KIF16B: variants seen among roughly 807,000 people sequenced by gnomAD.
KIF16B encodes the protein kinesin family member 16B.
A neutral mutation model predicts 156.3 loss-of-function variants in KIF16B; 98 were observed. That is an observed-to-expected ratio of 0.63 (90% CI 0.53 to 0.74). KIF16B has a LOEUF of 0.74. Among genes scored for constraint, KIF16B ranks in the 30% least tolerant of loss-of-function variants. The pLI is 0.00. For missense variants in KIF16B, 1,421 were observed against 1,606.5 expected, an observed-to-expected ratio of 0.88 and a Z score of 1.97; for synonymous variants, 564 against 583.7, an observed-to-expected ratio of 0.97 and a Z score of 0.49.
chr20:16,292,291 G>A (rs2063324737), intron 25 of KIF16B, among the ~76,000 whole-genome samples: 1 of 152,158 alleles, frequency 6.6e-6, no homozygotes, highest in Non-Finnish European at 1.5e-5. Flanking sequence ...AAGTTGTGTG[G>A]AATTGGAACA....
At chr20:16,336,048 T>C (rs2064030699) in intron 23 of KIF16B, 33 bp from the exon 24 acceptor site, 1 of 1,304,466 alleles carries the variant, frequency 7.7e-7, no homozygotes, top group Admixed American at 2.1e-5. Context: ...TGAATAAGCA[T>C]TAAGAAGCAA....
intron 19 of KIF16B, among the ~76,000 whole-genome samples, chr20:16,374,928 T>C (rs2064910388): frequency 6.6e-6 from 1 of 152,102 alleles, no homozygotes; most frequent in South Asian, 2.1e-4. Flanking sequence ...ATTATCTAAG[T>C]GCAGAAAGCA....
intron 12 of KIF16B, among the ~76,000 whole-genome samples, chr20:16,431,526 T>C (rs1394474723): frequency 6.6e-6 from 1 of 152,168 alleles, no homozygotes; most frequent in African/African-American, 2.4e-5. Context: ...CTGTTTCCTC[T>C]GTCACTGCTA....
chr20:16,356,007 G>A (rs1568879764), intron 23 of KIF16B, among the ~76,000 whole-genome samples: 2 of 152,208 alleles, frequency 1.3e-5, no homozygotes, highest in African/African-American at 2.4e-5. Flanking sequence ...GCTCAGGACT[G>A]TGGGGTTTCC....
intron 22 of KIF16B, among the ~76,000 whole-genome samples, chr20:16,364,472 C>T (rs534700188): frequency 6.6e-6 from 1 of 152,302 alleles, no homozygotes; most frequent in South Asian, 2.1e-4. Flanking sequence ...AGGCTGAATA[C>T]TCAGACTCTC....
chr20:16,498,997 G>A (rs1437928571), intron 10 of KIF16B, among the ~76,000 whole-genome samples: 1 of 152,026 alleles, frequency 6.6e-6, no homozygotes, highest in Non-Finnish European at 1.5e-5. Flanking sequence ...AGCAGAGCTG[G>A]CCAGAAAGGA....
chr20:16,321,961 T>C (rs964264486), intron 24 of KIF16B, among the ~76,000 whole-genome samples: 1 of 151,978 alleles, frequency 6.6e-6, no homozygotes, highest in Non-Finnish European at 1.5e-5. Flanking sequence ...TTGTGACAGA[T>C]ATGATAGGCC....
At chr20:16,337,574 A>G (rs2064062983) in intron 23 of KIF16B, among the ~76,000 whole-genome samples, 1 of 151,888 alleles carries the variant, frequency 6.6e-6, no homozygotes, top group South Asian at 2.1e-4. Context: ...GAAAATCATT[A>G]CAAACAAGAG....
chr20:16,321,521 G>T (rs1304128588), intron 24 of KIF16B, among the ~76,000 whole-genome samples: 1 of 151,934 alleles, frequency 6.6e-6, no homozygotes, highest in Non-Finnish European at 1.5e-5. Flanking sequence ...TTTCATTTCA[G>T]TTCTGAAATT....
intron 22 of KIF16B, among the ~76,000 whole-genome samples, chr20:16,362,564 A>T (rs75593856): frequency 6.6e-6 from 1 of 152,178 alleles, no homozygotes; most frequent in Non-Finnish European, 1.5e-5. Flanking sequence ...TCATTCCTAT[A>T]AAAAAATCAA....
chr20:16,330,793 G>A (rs537305180), intron 24 of KIF16B, among the ~76,000 whole-genome samples: 9 of 152,342 alleles, frequency 5.9e-5, no homozygotes, highest in African/African-American at 2.2e-4. Context: ...TGAGATGACT[G>A]GTAACTCAGC....
intron 12 of KIF16B, among the ~76,000 whole-genome samples, chr20:16,477,949 T>TG (rs1434265491): frequency 2.6e-5 from 4 of 152,044 alleles, no homozygotes; most frequent in Non-Finnish European, 5.9e-5. Flanking sequence ...TCACCACAGC[T>TG]GGGATGGCTC....
rs142726249 is a variant in KIF16B at position 16,409,005 on chromosome 20, C to T, written c.1613-2549G>A. 8.3e-3 allele frequency among the ~76,000 whole-genome samples: 1,269 copies of T among 152,192 alleles called. 14 individuals carry two copies. The highest frequency in any genetic ancestry group is 9.2e-3 in the Non-Finnish European group (627 of 67,996). On this transcript the variant is annotated intron_variant, in intron 15 of 25. Transcript: ENST00000354981. The stretch of plus-strand genomic sequence containing the variant: ...CAGAGTTGAGCAATTCAGACATACG[C>T]TTTGCCTTTATGGAGCTTTAAAAAA...
chr20:16,525,324 G>A (rs2069500150), intron 3 of KIF16B, among the ~76,000 whole-genome samples: 1 of 152,092 alleles, frequency 6.6e-6, no homozygotes, highest in Non-Finnish European at 1.5e-5. Flanking sequence ...ATCTAAAGAA[G>A]CTGTCAACGA....
chr20:16,296,898 A>G lies in KIF16B; in HGVS notation c.3795+15437T>C, dbSNP rs73898482. The stretch of plus-strand genomic sequence containing the variant: ...AACGAGTAAAGCAGATTGCTTTCCT[A>G]CTGTGAGTGGGGGCCTCATCCAATC... On this transcript the variant is annotated intron_variant, in intron 25 of 25. Transcript: ENST00000354981. 4.0e-3 allele frequency among the ~76,000 whole-genome samples: 604 copies of G among 152,374 alleles called. 5 individuals carry two copies. The highest frequency in any genetic ancestry group is 0.024 in the Middle Eastern group (7 of 294).
intron 12 of KIF16B, among the ~76,000 whole-genome samples, chr20:16,436,715 G>A (rs2066650550): frequency 6.6e-6 from 1 of 152,104 alleles, no homozygotes; most frequent in Non-Finnish European, 1.5e-5. Context: ...CAGCAGTATT[G>A]CTGCTGCAGG....
At chr20:16,472,945 T>C (rs932515488) in intron 12 of KIF16B, among the ~76,000 whole-genome samples, 1 of 152,164 alleles carries the variant, frequency 6.6e-6, no homozygotes, top group Non-Finnish European at 1.5e-5. Flanking sequence ...ATAAAAACCA[T>C]ATCTAGGTTC....
chr20:16,288,524 T>G (rs2063261489), intron 25 of KIF16B, among the ~76,000 whole-genome samples: 1 of 149,810 alleles, frequency 6.7e-6, no homozygotes, highest in Admixed American at 6.6e-5. Flanking sequence ...GATCCCATCA[T>G]AAGTGGAAGA....
At chr20:16,461,930 C>T (rs560453102) in intron 12 of KIF16B, among the ~76,000 whole-genome samples, 159 of 152,284 alleles carry the variant, frequency 1.0e-3, no homozygotes, top group Non-Finnish European at 1.9e-3. Context: ...GAATATTCAG[C>T]ATGGCTAGTT....
Sources: gnomAD v4.1 joint callset for allele counts (sites outside exome capture counted in the v4.1 genomes callset) on GRCh38, gnomAD v4.1.1 for gene constraint, MANE v1.5 for transcripts, NCBI Gene and HGNC (gene_info 2026-07-23, HGNC 2026-07-21) for gene names.